The following WASF1 variants were observed in gnomAD, a reference collection of about 807,000 sequenced individuals.
WASF1 encodes WASP family member 1.
WASF1 carries 7 observed loss-of-function variants against 50.5 expected under a neutral mutation model. That is an observed-to-expected ratio of 0.14 (90% CI 0.08 to 0.26). The LOEUF is 0.26. Among genes scored for constraint, WASF1 ranks in the 10% least tolerant of loss-of-function variants. The pLI is 1.00. For synonymous variants in WASF1, 205 were observed against 244.0 expected, an observed-to-expected ratio of 0.84 and a Z score of 1.49; for missense variants, 470 against 694.7, an observed-to-expected ratio of 0.68 and a Z score of 3.64.
intron 3 of WASF1, among the ~76,000 whole-genome samples, chr6:110,143,522 C>A (rs1332211899): frequency 6.6e-6 from 1 of 151,922 alleles, no homozygotes; most frequent in Admixed American, 6.5e-5. Context: ...CAGAAAAGTA[C>A]ACTATCTAAA....
chr6:110,103,952 T>C (rs1336463362), intron 8 of WASF1, among the ~76,000 whole-genome samples: 5 of 152,148 alleles, frequency 3.3e-5, no homozygotes, highest in African/African-American at 7.2e-5. Context: ...AAAGGTAGAA[T>C]AGGAAAATGA....
chr6:110,135,256 C>T (rs1774894603), intron 3 of WASF1, among the ~76,000 whole-genome samples: 1 of 152,072 alleles, frequency 6.6e-6, no homozygotes, highest in Non-Finnish European at 1.5e-5. Context: ...TTTATCAGTT[C>T]TAGCTTTTTG....
intron 9 of WASF1, among the ~76,000 whole-genome samples, chr6:110,103,163 C>A (rs2114450046): frequency 6.6e-6 from 1 of 152,268 alleles, no homozygotes; most frequent in South Asian, 2.1e-4. Flanking sequence ...CAAATCTGAC[C>A]TGCTCCCTGT....
intron 2 of WASF1, among the ~76,000 whole-genome samples, chr6:110,166,617 G>T (rs1047232988): frequency 4.0e-5 from 6 of 151,866 alleles, no homozygotes; most frequent in Admixed American, 3.3e-4. Flanking sequence ...ATTGCTAGTT[G>T]TATTTAATCT....
At chr6:110,106,778 A>C (rs1773342615) in intron 7 of WASF1, among the ~76,000 whole-genome samples, 1 of 152,170 alleles carries the variant, frequency 6.6e-6, no homozygotes, top group Admixed American at 6.5e-5. Flanking sequence ...GATTCATTAT[A>C]AGCTTTGTGG....
intron 3 of WASF1, among the ~76,000 whole-genome samples, chr6:110,134,722 G>A (rs920275147): frequency 6.6e-6 from 1 of 152,076 alleles, no homozygotes; most frequent in Admixed American, 6.6e-5. Context: ...CACCGCACCC[G>A]GCCTATGTGC....
chr6:110,119,905 T>A (rs1434681162), intron 4 of WASF1, among the ~76,000 whole-genome samples: 3 of 152,200 alleles, frequency 2.0e-5, no homozygotes, highest in Non-Finnish European at 2.9e-5. Flanking sequence ...TCAATAAACG[T>A]AATCCATCAC....
chr6:110,138,613 C>G (rs1296629127), intron 3 of WASF1, among the ~76,000 whole-genome samples: 1 of 152,206 alleles, frequency 6.6e-6, no homozygotes, highest in East Asian at 1.9e-4. Flanking sequence ...CAGCTCTCAG[C>G]AGAGAAGAGA....
chr6:110,138,569 C>T (rs1775072499), intron 3 of WASF1, among the ~76,000 whole-genome samples: 1 of 152,192 alleles, frequency 6.6e-6, no homozygotes, highest in Non-Finnish European at 1.5e-5. Context: ...AGCGGGTAGT[C>T]CCTTTTCACA....
intron 2 of WASF1, among the ~76,000 whole-genome samples, chr6:110,163,295 C>A (rs572316160): frequency 6.6e-6 from 1 of 151,662 alleles, no homozygotes; most frequent in South Asian, 2.1e-4. Flanking sequence ...TAATGAAGTA[C>A]CACAGAATAG....
chr6:110,123,364 C>T (rs979560643), intron 4 of WASF1, among the ~76,000 whole-genome samples: 5 of 152,008 alleles, frequency 3.3e-5, no homozygotes, highest in African/African-American at 9.7e-5. Context: ...TCTAAAATCA[C>T]TGTATTCCTC....
chr6:110,142,950 T>C (rs1362037257), intron 3 of WASF1, among the ~76,000 whole-genome samples: 2 of 38,292 alleles, frequency 5.2e-5, no homozygotes, highest in African/African-American at 1.2e-4. Context: ...TTCCCAATGA[T>C]GTAAAAAAAA....
chr6:110,173,234 T>A (rs1166191315), intron 2 of WASF1, among the ~76,000 whole-genome samples: 2 of 152,034 alleles, frequency 1.3e-5, no homozygotes. Flanking sequence ...CAATGTAACT[T>A]TATTGGAGTA....
chr6:110,107,262 C>G, intron 6 of WASF1, 68 bp from the exon 7 acceptor site: 1 of 1,057,386 alleles, frequency 9.5e-7, no homozygotes, highest in Non-Finnish European at 1.4e-6. Flanking sequence ...GAAATAATTT[C>G]ACTAAAATGT....
At chr6:110,120,986 G>C (rs147864914) in intron 4 of WASF1, among the ~76,000 whole-genome samples, 7,864 of 152,252 alleles carry the variant, frequency 0.052, 229 homozygotes, top group East Asian at 0.12. Flanking sequence ...CTAGCCATAT[G>C]AAGAAAGCTG....
chr6:110,102,702 C>G (rs1773148275), intron 9 of WASF1, among the ~76,000 whole-genome samples: 1 of 149,428 alleles, frequency 6.7e-6, no homozygotes, highest in Admixed American at 6.6e-5. Context: ...TCTCTCTTTT[C>G]CTGAGGATGG....
chr6:110,128,474 A>G (rs934462542), intron 3 of WASF1, among the ~76,000 whole-genome samples: 1 of 152,356 alleles, frequency 6.6e-6, no homozygotes, highest in East Asian at 1.9e-4. Flanking sequence ...TACTCCAAGT[A>G]GCCCTGCACC....
intron 4 of WASF1, among the ~76,000 whole-genome samples, chr6:110,122,158 C>T (rs910778447): frequency 1.3e-5 from 2 of 149,698 alleles, no homozygotes; most frequent in African/African-American, 4.9e-5. Flanking sequence ...ACACTATGCA[C>T]ATGTACCATA....
chr6:110,174,835 T>C (rs190099569), intron 2 of WASF1, among the ~76,000 whole-genome samples: 1 of 152,278 alleles, frequency 6.6e-6, no homozygotes, highest in Admixed American at 6.5e-5. Context: ...TCATGACCTC[T>C]TCCCTCACAG....
Sources: gnomAD v4.1 joint callset for allele counts (sites outside exome capture counted in the v4.1 genomes callset) on GRCh38, gnomAD v4.1.1 for gene constraint, MANE v1.5 for transcripts, NCBI Gene and HGNC (gene_info 2026-07-23, HGNC 2026-07-21) for gene names.